CSMD3: variants seen among roughly 807,000 people sequenced by gnomAD.
CSMD3 encodes the protein CUB and sushi domain-containing protein 3.
In CSMD3, 177 loss-of-function variants were observed where a neutral mutation model predicts 435.2. The ratio of observed to expected loss-of-function variants is 0.41; its 90% CI spans 0.36 to 0.46. CSMD3 has a LOEUF of 0.46. Among genes scored for constraint, CSMD3 ranks in the 20% least tolerant of loss-of-function variants. CSMD3 has a pLI of 0.34. For synonymous variants in CSMD3, 1,656 were observed against 1,520.5 expected, an observed-to-expected ratio of 1.09 and a Z score of -2.07; for missense variants, 4,265 against 4,504.6, an observed-to-expected ratio of 0.95 and a Z score of 1.52.
At chr8:113,078,977 G>T (rs2089452020) in intron 5 of CSMD3, among the ~76,000 whole-genome samples, 1 of 152,060 alleles carries the variant, frequency 6.6e-6, no homozygotes, top group African/African-American at 2.4e-5. Context: ...GATTATTGAA[G>T]CAACACCTGT....
intron 22 of CSMD3, among the ~76,000 whole-genome samples, chr8:112,613,754 A>T (rs1833448878): frequency 6.6e-6 from 1 of 152,174 alleles, no homozygotes; most frequent in Admixed American, 6.6e-5. Context: ...AGAGCAAGAA[A>T]GATAAATAAT....
At chr8:112,286,119 C>T (rs1250786991) in intron 58 of CSMD3, among the ~76,000 whole-genome samples, 1 of 152,116 alleles carries the variant, frequency 6.6e-6, no homozygotes, top group African/African-American at 2.4e-5. Context: ...CAGTTGTACT[C>T]TACAATTAAA....
In CSMD3 at chr8:113,210,991, C is replaced by T. The variant is rs1300433666; in HGVS notation, c.515-37075G>A. Among the ~76,000 whole-genome samples the T allele has an allele frequency of 6.6e-5, 10 of 152,124 alleles. No homozygotes were observed. The East Asian group carries it at 1.7e-3, about 26-fold the overall frequency. ...TTTCACTGCCTCCCATGTCCATGTT[C>T]TCTTTGTTCCACCACCTTCCAGTCT... On this transcript the variant is annotated intron_variant, in intron 3 of 70. Coordinates refer to ENST00000297405, the MANE Select transcript of CSMD3 (RefSeq NM_198123.2).
chr8:112,636,560 CTATCT>C, intron 22 of CSMD3, among the ~76,000 whole-genome samples: 1 of 150,776 alleles, frequency 6.6e-6, no homozygotes, highest in Non-Finnish European at 1.5e-5. Flanking sequence ...ATCTATCTAT[CTATCT>C]ATCTATCTAT....
At chr8:113,091,824 G>C (rs1000132363) in intron 5 of CSMD3, among the ~76,000 whole-genome samples, 2 of 151,004 alleles carry the variant, frequency 1.3e-5, no homozygotes, top group East Asian at 3.9e-4. Context: ...TATTAATTTT[G>C]AGTTTGGTTT....
intron 44 of CSMD3, among the ~76,000 whole-genome samples, chr8:112,335,726 A>G (rs1232838582): frequency 6.8e-6 from 1 of 147,506 alleles, no homozygotes; most frequent in African/African-American, 2.5e-5. Context: ...TATAATCAAT[A>G]CATTGTCTTT....
intron 3 of CSMD3, among the ~76,000 whole-genome samples, chr8:113,204,322 T>C (rs1312233532): frequency 6.6e-6 from 1 of 152,152 alleles, no homozygotes; most frequent in Admixed American, 6.6e-5. Context: ...ATATCACAAA[T>C]GTAATCTTGG....
intron 10 of CSMD3, among the ~76,000 whole-genome samples, chr8:112,915,736 G>C (rs187760439): frequency 6.6e-6 from 1 of 151,692 alleles, no homozygotes; most frequent in African/African-American, 2.4e-5. Context: ...CCATCATTCT[G>C]GCACTGAACA....
At chr8:112,329,743 G>A (rs1054797744) in intron 45 of CSMD3, among the ~76,000 whole-genome samples, 1 of 152,064 alleles carries the variant, frequency 6.6e-6, no homozygotes, top group African/African-American at 2.4e-5. Context: ...TATCAACTGG[G>A]CATATACATA....
At position 113,349,576 on chromosome 8, in the gene CSMD3, G is replaced by A. The variant is rs201153000; in HGVS notation, c.179-34783C>T. ...GCAGGAGGATCGCTTCAGGCCAGGA[G>A]TTTGACACTAGCTTGGGCAACACAG... On this transcript the variant is annotated intron_variant, in intron 1 of 70. Coordinates refer to ENST00000297405, the MANE Select transcript of CSMD3 (RefSeq NM_198123.2). Among the ~76,000 whole-genome samples, 14 of 152,134 alleles carry A rather than the reference G, an allele frequency of 9.2e-5. No homozygotes were observed. The East Asian group carries it at 2.7e-3, about 29-fold the overall frequency.
chr8:113,023,203 T>A (rs2086746702), intron 5 of CSMD3, among the ~76,000 whole-genome samples: 1 of 152,124 alleles, frequency 6.6e-6, no homozygotes, highest in Non-Finnish European at 1.5e-5. Flanking sequence ...TCAACAGCTA[T>A]CATTTTTGAT....
intron 32 of CSMD3, among the ~76,000 whole-genome samples, chr8:112,436,652 A>G (rs1198268071): frequency 6.6e-6 from 1 of 151,992 alleles, no homozygotes; most frequent in Non-Finnish European, 1.5e-5. Context: ...ATATACACAA[A>G]TACATATACA....
intron 9 of CSMD3, among the ~76,000 whole-genome samples, chr8:112,926,511 G>A (rs1257775498): frequency 1.3e-5 from 2 of 152,104 alleles, no homozygotes; most frequent in African/African-American, 4.8e-5. Flanking sequence ...TAATGATATT[G>A]TTTGAAAAAC....
intron 2 of CSMD3, among the ~76,000 whole-genome samples, chr8:113,296,445 A>G (rs113076277): frequency 9.2e-5 from 14 of 151,918 alleles, no homozygotes; most frequent in Admixed American, 1.3e-4. Flanking sequence ...AATTGCTTGA[A>G]CCCAGGAGGC....
intron 13 of CSMD3, among the ~76,000 whole-genome samples, chr8:112,691,660 A>G (rs2076140203): frequency 6.6e-6 from 1 of 152,116 alleles, no homozygotes; most frequent in African/African-American, 2.4e-5. Flanking sequence ...TAAATATGCC[A>G]TAATTATTTC....
chr8:112,687,384 T>C (rs557252949), intron 14 of CSMD3, among the ~76,000 whole-genome samples: 1 of 152,284 alleles, frequency 6.6e-6, no homozygotes, highest in African/African-American at 2.4e-5. Flanking sequence ...TTATGATCTC[T>C]TAGTTTATAA....
chr8:112,912,791 G>C (rs1053621443), intron 10 of CSMD3, among the ~76,000 whole-genome samples: 12 of 151,838 alleles, frequency 7.9e-5, no homozygotes, highest in South Asian at 2.1e-4. Flanking sequence ...TATGAAGTGA[G>C]AGAAATTATT....
intron 35 of CSMD3, among the ~76,000 whole-genome samples, chr8:112,404,664 A>G (rs1023906939): frequency 6.6e-6 from 1 of 152,162 alleles, no homozygotes; most frequent in Non-Finnish European, 1.5e-5. Context: ...ATGAACTGAC[A>G]TGTGAACAAA....
chr8:112,708,740 A>AT (rs1260126479), intron 13 of CSMD3, among the ~76,000 whole-genome samples: 2 of 151,376 alleles, frequency 1.3e-5, no homozygotes, highest in Non-Finnish European at 2.9e-5. Flanking sequence ...ACCTACAAAA[A>AT]AAAATCCAGG....
Sources: gnomAD v4.1 joint callset for allele counts (sites outside exome capture counted in the v4.1 genomes callset) on GRCh38, gnomAD v4.1.1 for gene constraint, MANE v1.5 for transcripts, NCBI Gene and HGNC (gene_info 2026-07-23, HGNC 2026-07-21) for gene names.